SUPT3H: variants seen among roughly 807,000 people sequenced by gnomAD.
The protein encoded by SUPT3H is SPT3 homolog, SAGA and STAGA complex component.
Under a neutral mutation model 44.3 loss-of-function variants are expected in SUPT3H, and 44 were observed. The ratio of observed to expected loss-of-function variants is 0.99; its 90% CI spans 0.78 to 1.28. The LOEUF (loss-of-function observed/expected upper bound fraction) is 1.28, where lower values mean the gene tolerates loss of function less well. Ranked by LOEUF, SUPT3H falls within the 50% of genes most tolerant of loss-of-function variation. SUPT3H has a pLI of 0.00. For missense variants in SUPT3H, 380 were observed against 387.1 expected, an observed-to-expected ratio of 0.98 and a Z score of 0.15; for synonymous variants, 124 against 125.6, an observed-to-expected ratio of 0.99 and a Z score of 0.09.
intron 2 of SUPT3H, among the ~76,000 whole-genome samples, chr6:45,344,057 C>A (rs1263845924): frequency 2.0e-5 from 3 of 152,044 alleles, no homozygotes. Context: ...AAATATGAGA[C>A]AATTGTATAT....
intron 2 of SUPT3H, among the ~76,000 whole-genome samples, chr6:45,266,988 T>C (rs974940227): frequency 1.8e-4 from 28 of 152,280 alleles, no homozygotes; most frequent in African/African-American, 6.5e-4. Flanking sequence ...AACAAAATTA[T>C]TAAAATTATG....
intron 2 of SUPT3H, among the ~76,000 whole-genome samples, chr6:45,280,877 T>C (rs1269072046): frequency 1.3e-5 from 2 of 152,184 alleles, no homozygotes; most frequent in Non-Finnish European, 2.9e-5. Context: ...TTCCTAAATA[T>C]TTAAAACTTC....
intron 2 of SUPT3H, among the ~76,000 whole-genome samples, chr6:45,306,840 C>T (rs772841531): frequency 6.6e-6 from 1 of 152,194 alleles, no homozygotes; most frequent in Non-Finnish European, 1.5e-5. Flanking sequence ...GGCGAGGCAT[C>T]GCCTCACCCT....
intron 2 of SUPT3H, among the ~76,000 whole-genome samples, chr6:45,283,937 C>G (rs1173871068): frequency 6.6e-6 from 1 of 152,170 alleles, no homozygotes; most frequent in Non-Finnish European, 1.5e-5. Flanking sequence ...GAAACTCACT[C>G]AGAACTGCTC....
chr6:45,013,581 C>T (rs1273288017), intron 5 of SUPT3H, among the ~76,000 whole-genome samples: 1 of 151,978 alleles, frequency 6.6e-6, no homozygotes, highest in Non-Finnish European at 1.5e-5. Context: ...AGCTTTGCTC[C>T]CTATGAGAGC....
At chr6:45,062,936 A>C (rs1281760596) in intron 3 of SUPT3H, among the ~76,000 whole-genome samples, 1 of 151,682 alleles carries the variant, frequency 6.6e-6, no homozygotes. Flanking sequence ...CAGAAAGGAA[A>C]CTCGAACTGG....
chr6:45,162,950 T>C (rs1809267333), intron 2 of SUPT3H, among the ~76,000 whole-genome samples: 1 of 152,178 alleles, frequency 6.6e-6, no homozygotes, highest in Non-Finnish European at 1.5e-5. Context: ...TCTGCATCCC[T>C]GGAGATCTGT....
intron 10 of SUPT3H, among the ~76,000 whole-genome samples, chr6:44,911,462 C>G (rs1300443097): frequency 6.6e-6 from 1 of 152,144 alleles, no homozygotes. Flanking sequence ...ATAAAAAATA[C>G]TTCTGGAATT....
chr6:45,189,277 T>C (rs1052368407), intron 2 of SUPT3H, among the ~76,000 whole-genome samples: 6 of 152,348 alleles, frequency 3.9e-5, no homozygotes, highest in Non-Finnish European at 7.3e-5. Flanking sequence ...AGTGTTATTT[T>C]TCTCCTTACC....
intron 2 of SUPT3H, among the ~76,000 whole-genome samples, chr6:45,195,443 C>T (rs1267414395): frequency 1.3e-5 from 2 of 152,102 alleles, no homozygotes; most frequent in Non-Finnish European, 2.9e-5. Flanking sequence ...GCTTCTATAT[C>T]CAGTGGCCCT....
At chr6:45,179,535 C>T (rs1429602968) in intron 2 of SUPT3H, among the ~76,000 whole-genome samples, 2 of 152,200 alleles carry the variant, frequency 1.3e-5, no homozygotes, top group Admixed American at 6.5e-5. Context: ...CCACCATGAT[C>T]AAGTGGGCTT....
intron 2 of SUPT3H, among the ~76,000 whole-genome samples, chr6:45,298,582 G>A (rs905613563): frequency 2.0e-5 from 3 of 150,912 alleles, no homozygotes; most frequent in East Asian, 1.9e-4. Flanking sequence ...TGATCCATCC[G>A]TCTTGGCCTC....
intron 3 of SUPT3H, among the ~76,000 whole-genome samples, chr6:45,100,539 C>T (rs1419936489): frequency 7.8e-5 from 1 of 12,822 alleles, no homozygotes; most frequent in African/African-American, 7.8e-4. Flanking sequence ...AGACCCTGTA[C>T]TTAAAAAAAA....
chr6:44,849,931 A>G (rs967821305), intron 10 of SUPT3H, among the ~76,000 whole-genome samples: 3 of 152,182 alleles, frequency 2.0e-5, no homozygotes, highest in African/African-American at 7.2e-5. Context: ...GACAGTTACT[A>G]TGTATTTGTA....
Position 45,273,550 on chromosome 6 carries a change from TTTG to T in SUPT3H, c.101+91648_101+91650del, listed in dbSNP as rs150983344. Among the ~76,000 whole-genome samples the T allele has an allele frequency of 6.1e-4, 93 of 152,312 alleles. No homozygotes were observed. The East Asian group carries it at 0.015, about 25-fold the overall frequency. On this transcript the variant is annotated intron_variant, in intron 2 of 10. Coordinates refer to ENST00000371459, the MANE Select transcript of SUPT3H (RefSeq NM_003599.4). ...TTATAACAAGTTAGTAAGAGTTTAT[TTTG>T]TTGTTTAAAAAAAATGTGAAACCCA...
At chr6:45,159,535 A>C (rs1808592253) in intron 2 of SUPT3H, 1 of 152,158 alleles carries the variant, frequency 6.6e-6, no homozygotes, top group South Asian at 2.1e-4. Context: ...TTCTTCAGTC[A>C]TGGAGGCCAG....
chr6:45,312,330 C>T (rs543384438), intron 2 of SUPT3H, among the ~76,000 whole-genome samples: 2 of 152,070 alleles, frequency 1.3e-5, no homozygotes, highest in Middle Eastern at 3.4e-3. Context: ...CTGGCTAACA[C>T]AGTGAAACCC....
chr6:45,329,357 A>G (rs1316823483), intron 2 of SUPT3H, among the ~76,000 whole-genome samples: 1 of 152,000 alleles, frequency 6.6e-6, no homozygotes, highest in Non-Finnish European at 1.5e-5. Flanking sequence ...TTGTTTCTAA[A>G]CAACTTTATA....
rs910841230 is a variant in SUPT3H at position 44,828,756 on chromosome 6, T to TATTA, written c.*1056_*1059dup. On this transcript the variant is annotated 3_prime_UTR_variant, in exon 11 of 11. Transcript: ENST00000371459. ...CTTTCATGTTTCTCATTTCTGTTTT[T>TATTA]ATTAATTCTTTAGAAAGAGTGTTTC... 7.9e-5 allele frequency: 12 copies of TATTA among 152,654 alleles called. No individual in the cohort carries two copies. The highest frequency in any genetic ancestry group is 1.9e-4 in the African/African-American group (8 of 41,586). 9.5% of individuals were successfully genotyped at this position (152,654 alleles called of 1,614,324 possible).
Sources: allele counts gnomAD v4.1 joint callset (sites outside exome capture counted in the v4.1 genomes callset), GRCh38; gene constraint gnomAD v4.1.1; transcripts MANE v1.5; gene names NCBI Gene and HGNC (gene_info 2026-07-23, HGNC 2026-07-21).